Variants in ABAT observed in about 807,000 individuals in gnomAD.
The protein encoded by ABAT is 4-aminobutyrate aminotransferase, also known as 4-aminobutyrate aminotransferase, mitochondrial.
In ABAT, 45 loss-of-function variants were observed where a neutral mutation model predicts 64.6. The ratio of observed to expected loss-of-function variants is 0.70; its 90% CI spans 0.55 to 0.89. ABAT has a LOEUF of 0.89. Among genes scored for constraint, ABAT ranks in the 40% least tolerant of loss-of-function variants. The pLI, the probability that ABAT is intolerant of heterozygous loss-of-function variation, is 0.00. For synonymous variants in ABAT, 297 were observed against 250.5 expected (o/e 1.19, Z -1.75); for missense variants, 633 against 658.4 (o/e 0.96, Z 0.42).
chr16:8,691,598 C>T (rs148246277), intron 1 of ABAT, among the ~76,000 whole-genome samples: 99 of 152,308 alleles, frequency 6.5e-4, no homozygotes, highest in African/African-American at 2.2e-3. Flanking sequence ...CACCACCACA[C>T]TCGGCAACAT....
chr16:8,780,748 G>T (rs150418410), intron 15 of ABAT: 1 of 197,262 alleles, frequency 5.1e-6, no homozygotes, highest in East Asian at 1.3e-4. Flanking sequence ...GGGTGACAGC[G>T]CGAGACTCCA....
chr16:8,735,653 G>A, intron 1 of ABAT, 46 bp from the exon 2 acceptor site: 1 of 1,459,312 alleles, frequency 6.9e-7, no homozygotes, highest in South Asian at 1.2e-5. Flanking sequence ...GGCTGAGAGG[G>A]GAGTGGTCTT....
At chr16:8,773,945 T>C (rs1417836484) in intron 12 of ABAT, among the ~76,000 whole-genome samples, 1 of 152,212 alleles carries the variant, frequency 6.6e-6, no homozygotes, top group Non-Finnish European at 1.5e-5. Flanking sequence ...TTTTCTTTTT[T>C]TTTGAGACAG....
chr16:8,746,337 G>A (rs1288513509), intron 3 of ABAT, among the ~76,000 whole-genome samples: 1 of 151,886 alleles, frequency 6.6e-6, no homozygotes. Flanking sequence ...CGGATCACTT[G>A]AGGTCAGGAG....
At position 8,713,283 on chromosome 16, in the gene ABAT, TA is replaced by T. The variant is rs34212078; in HGVS notation, c.-41-22401del. The T allele has an allele frequency of 5.5e-3, 791 of 144,982 alleles. 8 individuals carry two copies. Among genetic ancestry groups the T allele is most frequent in the African/African-American group, 0.016 (603 of 38,848 alleles). The allele number at this position is 144,982 out of a possible 1,614,324, so 9.0% of individuals were successfully genotyped here. ...TCCCTTCAGGGGTTCCTGAGCCTGT[TA>T]AAAAAAAAAAAAAATCTAGGAAGAG... On this transcript the variant is annotated intron_variant, in intron 1 of 15. Coordinates refer to ENST00000268251, the MANE Select transcript of ABAT (RefSeq NM_020686.6).
At chr16:8,721,286 G>A (rs1217406615) in intron 1 of ABAT, among the ~76,000 whole-genome samples, 1 of 152,148 alleles carries the variant, frequency 6.6e-6, no homozygotes, top group East Asian at 1.9e-4. Context: ...CTGTATCCAT[G>A]GGATGTTTGA....
Position 8,757,822 on chromosome 16 carries a change from A to C in ABAT, c.366+16A>C. 1 of 1,613,512 alleles carries C rather than the reference A, an allele frequency of 6.2e-7. No individual in the cohort carries two copies. The highest frequency in any genetic ancestry group is 1.3e-5 in the African/African-American group (1 of 75,042). On this transcript the variant is annotated intron_variant, in intron 6 of 15. Transcript: ENST00000268251. ...TCAAAATGCGGTAGGTCTTGGGGTTACACAGAAGAAAGACAAAATATGTTC... is the reference window on the plus strand; with the variant it reads ...TCAAAATGCGGTAGGTCTTGGGGTTCCACAGAAGAAAGACAAAATATGTTC...
intron 1 of ABAT, among the ~76,000 whole-genome samples, chr16:8,728,823 G>A (rs1482340265): frequency 3.9e-5 from 6 of 152,098 alleles, no homozygotes; most frequent in Admixed American, 1.3e-4. Context: ...GCAGTGAGCC[G>A]AGATCACGCC....
intron 1 of ABAT, among the ~76,000 whole-genome samples, chr16:8,695,087 C>T (rs2057672274): frequency 6.6e-6 from 1 of 152,218 alleles, no homozygotes; most frequent in South Asian, 2.1e-4. Flanking sequence ...TTGACCTTGT[C>T]TGATCAGTGA....
chr16:8,694,011 T>C (rs917607783), intron 1 of ABAT, among the ~76,000 whole-genome samples: 1 of 151,810 alleles, frequency 6.6e-6, no homozygotes, highest in African/African-American at 2.4e-5. Flanking sequence ...AATTTTAATT[T>C]TTTTATTCTT....
chr16:8,769,038 T>G lies in ABAT; in HGVS notation c.816+65T>G, dbSNP rs1487242331. Reference sequence around the variant, plus strand: ...CCTGTTGCTCTTGCCGCCCCAAGACTTGGGGAGAAGAGAAACAGATGAAGG... The same window carrying G: ...CCTGTTGCTCTTGCCGCCCCAAGACGTGGGGAGAAGAGAAACAGATGAAGG... On this transcript the variant is annotated intron_variant, in intron 11 of 15. Transcript: ENST00000268251. The G allele has an allele frequency of 2.5e-6, 4 of 1,605,926 alleles. No individual in the cohort carries two copies. The South Asian group carries it at 3.3e-5, about 13-fold the overall frequency.
chr16:8,751,827 ATAGAGTG>A (rs1311804105), intron 5 of ABAT, among the ~76,000 whole-genome samples: 1 of 152,192 alleles, frequency 6.6e-6, no homozygotes, highest in African/African-American at 2.4e-5. Flanking sequence ...TCCCAGCCAT[ATAGAGTG>A]TTCACTCGCT....
At chr16:8,766,330 C>A in intron 9 of ABAT, 60 bp downstream of exon 9, 1 of 1,538,992 alleles carries the variant, frequency 6.5e-7, no homozygotes, top group Non-Finnish European at 8.9e-7. Flanking sequence ...CTCTCCCGGG[C>A]TGTTGCTGGC....
chr16:8,746,677 AC>A (rs1353008656), intron 3 of ABAT, among the ~76,000 whole-genome samples: 3 of 151,348 alleles, frequency 2.0e-5, no homozygotes, highest in African/African-American at 7.3e-5. Context: ...GTGCCTCTGC[AC>A]TCCAACCTGG....
At chr16:8,749,983 G>A (rs2059432919) in intron 4 of ABAT, among the ~76,000 whole-genome samples, 1 of 152,320 alleles carries the variant, frequency 6.6e-6, no homozygotes, top group South Asian at 2.1e-4. Context: ...CCAAAGTACT[G>A]GGATTACAGG....
At chr16:8,731,091 T>C (rs2058706154) in intron 1 of ABAT, among the ~76,000 whole-genome samples, 1 of 152,128 alleles carries the variant, frequency 6.6e-6, no homozygotes, top group Non-Finnish European at 1.5e-5. Flanking sequence ...GACTCCTGAG[T>C]AGCTGGGATT....
chr16:8,717,987 C>A (rs2058260857), intron 1 of ABAT, among the ~76,000 whole-genome samples: 2 of 152,134 alleles, frequency 1.3e-5, no homozygotes, highest in South Asian at 4.1e-4. Context: ...TGTTATTTCT[C>A]TGTGCAAGGA....
rs920827144 is a variant in ABAT, at chr16:8,781,249, G to T, written c.1382-60G>T. 1 of 1,612,368 alleles carries T rather than the reference G, an allele frequency of 6.2e-7. No individual in the cohort carries two copies. Among genetic ancestry groups the T allele is most frequent in the Non-Finnish European group, 8.5e-7 (1 of 1,179,470 alleles). On this transcript the variant is annotated intron_variant, in intron 15 of 15. Transcript: ENST00000268251. This position sits in a 1 kb window ranked among gnomAD's most constrained non-coding sequence, Gnocchi z 4.5. ...GCCAACAGGCATCACTTTCCCCCCA[G>T]CTCTCCCAGCATGTGACTTTGAGAA... is the stretch of plus-strand genomic sequence containing the variant.
chr16:8,751,633 G>T (rs1409330080), intron 5 of ABAT, among the ~76,000 whole-genome samples: 3 of 152,192 alleles, frequency 2.0e-5, no homozygotes, highest in Admixed American at 2.0e-4. Context: ...CATCAGCTGC[G>T]AGAGGGGAGA....
Sources: allele counts gnomAD v4.1 joint callset (sites outside exome capture counted in the v4.1 genomes callset), GRCh38; gene constraint gnomAD v4.1.1; non-coding constraint Gnocchi (gnomAD v3.1); transcripts MANE v1.5; gene names NCBI Gene and HGNC (gene_info 2026-07-23, HGNC 2026-07-21).